Variants in CSMD1 observed in about 807,000 individuals in gnomAD.
CSMD1 encodes CUB and sushi domain-containing protein 1.
In CSMD1, 213 loss-of-function variants were observed where a neutral mutation model predicts 417.5. The ratio of observed to expected loss-of-function variants is 0.51; its 90% CI spans 0.46 to 0.57. The LOEUF (loss-of-function observed/expected upper bound fraction) is 0.57. Among genes scored for constraint, CSMD1 ranks in the 20% least tolerant of loss-of-function variants. The pLI, the probability that CSMD1 is intolerant of heterozygous loss-of-function variation, is 0.00. For synonymous variants in CSMD1, 2,862 were observed against 1,736.8 expected (o/e 1.65, Z -16.11); for missense variants, 6,923 against 4,529.7 (o/e 1.53, Z -15.17).
At position 3,214,609 on chromosome 8, in the gene CSMD1, G is replaced by C; in HGVS notation, c.4755C>G (p.Thr1585=). Residue 1585 remains threonine, a synonymous_variant, in exon 30 of 70, where the codon ACC becomes ACG. Coordinates refer to ENST00000635120, the MANE Select transcript of CSMD1 (RefSeq NM_033225.6). ...RVGTDFKLGS[T]ITYQCDSGYK... is the part of the protein sequence containing the mutation. Reference sequence around the variant, plus strand: ...AGCCAGAGTCACACTGGTAGGTGATGGTGGAGCCAAGCTTGAAGTCTGTTC... The same window carrying C: ...AGCCAGAGTCACACTGGTAGGTGATCGTGGAGCCAAGCTTGAAGTCTGTTC... The C allele has an allele frequency of 6.4e-7, 1 of 1,562,918 alleles. No homozygotes were observed. The highest frequency in any genetic ancestry group is 8.7e-7 in the Non-Finnish European group (1 of 1,152,990).
At chr8:3,797,932 G>C (rs79557606) in intron 5 of CSMD1, among the ~76,000 whole-genome samples, 1 of 151,974 alleles carries the variant, frequency 6.6e-6, no homozygotes, top group Non-Finnish European at 1.5e-5. Flanking sequence ...GTCAAGTTTT[G>C]TAATTTTAGC....
chr8:3,348,735 T>C lies in CSMD1; in HGVS notation c.3305-574A>G, dbSNP rs114491541. Among the ~76,000 whole-genome samples, 1,423 of 152,326 alleles carry C rather than the reference T, an allele frequency of 9.3e-3. 24 individuals are homozygous for C. Among genetic ancestry groups the C allele is most frequent in the African/African-American group, 0.032 (1,340 of 41,562 alleles). On this transcript the variant is annotated intron_variant, in intron 21 of 69. Transcript: ENST00000635120. Reference sequence around the variant, plus strand: ...ACATTCAATGGCAGTAATTATCTGCTTCTCCCTCTTTCCCAATGAAGGAAG... The same window carrying C: ...ACATTCAATGGCAGTAATTATCTGCCTCTCCCTCTTTCCCAATGAAGGAAG...
chr8:3,942,993 G>A (rs1036265294), intron 5 of CSMD1, among the ~76,000 whole-genome samples: 2 of 151,982 alleles, frequency 1.3e-5, no homozygotes, highest in Non-Finnish European at 2.9e-5. Context: ...CGTTACTAAG[G>A]GGAGGTCTAA....
chr8:4,448,588 T>C (rs1174342512), intron 2 of CSMD1, among the ~76,000 whole-genome samples: 1 of 152,194 alleles, frequency 6.6e-6, no homozygotes, highest in Non-Finnish European at 1.5e-5. Context: ...TATTGTGCAA[T>C]TTTAAAGTCT....
At chr8:3,238,884 C>T (rs1481611924) in intron 26 of CSMD1, among the ~76,000 whole-genome samples, 1 of 151,898 alleles carries the variant, frequency 6.6e-6, no homozygotes, top group Non-Finnish European at 1.5e-5. Context: ...ATAGTGTAAA[C>T]CAGCAGTGTA....
intron 54 of CSMD1, among the ~76,000 whole-genome samples, chr8:2,982,223 G>T (rs924171638): frequency 3.9e-5 from 6 of 152,122 alleles, no homozygotes; most frequent in African/African-American, 1.4e-4. Context: ...AGGCATGGTG[G>T]CAGGGGCCTG....
At chr8:4,201,304 C>G (rs1392431816) in intron 3 of CSMD1, among the ~76,000 whole-genome samples, 1 of 151,930 alleles carries the variant, frequency 6.6e-6, no homozygotes, top group African/African-American at 2.4e-5. Flanking sequence ...TTTGGGAGGC[C>G]GAGGCGGGCG....
chr8:4,876,969 AT>A lies in CSMD1; in HGVS notation c.85+117362del, dbSNP rs1198383042. On this transcript the variant is annotated intron_variant, in intron 1 of 69. Coordinates refer to ENST00000635120, the MANE Select transcript of CSMD1 (RefSeq NM_033225.6). The stretch of plus-strand genomic sequence containing the variant: ...TTACACATTATGTAATTTTATGACA[AT>A]TAAAAATATATACAATAAGTATAAT... Among the ~76,000 whole-genome samples the A allele has an allele frequency of 2.6e-5, 4 of 152,114 alleles. 1 individual carries two copies. Among genetic ancestry groups the A allele is most frequent in the African/African-American group, 4.8e-5 (2 of 41,402 alleles).
At chr8:4,838,860 T>A (rs1220869564) in intron 1 of CSMD1, among the ~76,000 whole-genome samples, 1 of 152,198 alleles carries the variant, frequency 6.6e-6, no homozygotes, top group African/African-American at 2.4e-5. Flanking sequence ...TCTTGCTCTA[T>A]CTCCAGTAGC....
intron 26 of CSMD1, among the ~76,000 whole-genome samples, chr8:3,282,232 G>C (rs1802793732): frequency 1.3e-5 from 2 of 152,158 alleles, no homozygotes; most frequent in South Asian, 2.1e-4. Flanking sequence ...TGATGGGTCA[G>C]TGTAGGTTCA....
chr8:3,535,546 G>C (rs1360142355), intron 10 of CSMD1, among the ~76,000 whole-genome samples: 1 of 152,102 alleles, frequency 6.6e-6, no homozygotes, highest in African/African-American at 2.4e-5. Context: ...ACTTGGAAGG[G>C]GGCTGGTGGG....
chr8:4,834,162 A>G (rs944299231), intron 1 of CSMD1, among the ~76,000 whole-genome samples: 1 of 152,366 alleles, frequency 6.6e-6, no homozygotes, highest in East Asian at 1.9e-4. Flanking sequence ...AGATAAAACA[A>G]GGATGTGTTA....
chr8:4,797,386 C>G (rs1307993024), intron 1 of CSMD1, among the ~76,000 whole-genome samples: 1 of 152,246 alleles, frequency 6.6e-6, no homozygotes, highest in East Asian at 1.9e-4. Context: ...CCGCCTGAAT[C>G]TAGGGATCAA....
intron 5 of CSMD1, among the ~76,000 whole-genome samples, chr8:3,880,896 G>A (rs541170777): frequency 6.6e-5 from 10 of 152,030 alleles, no homozygotes; most frequent in Middle Eastern, 3.4e-3. Flanking sequence ...GTGTACCATT[G>A]AAAGTAAACA....
intron 10 of CSMD1, among the ~76,000 whole-genome samples, chr8:3,530,756 T>C (rs1797946159): frequency 6.6e-6 from 1 of 152,146 alleles, no homozygotes; most frequent in South Asian, 2.1e-4. Flanking sequence ...CTCAAATTCC[T>C]GACCTCAGGT....
At chr8:4,189,481 C>T (rs150528191) in intron 3 of CSMD1, among the ~76,000 whole-genome samples, 58 of 152,112 alleles carry the variant, frequency 3.8e-4, no homozygotes, top group African/African-American at 1.2e-3. Flanking sequence ...AAAATTTTTC[C>T]GCTAGACAGA....
chr8:3,451,527 T>C (rs1220554165), intron 12 of CSMD1, among the ~76,000 whole-genome samples: 1 of 152,252 alleles, frequency 6.6e-6, no homozygotes, highest in African/African-American at 2.4e-5. Context: ...TTCGTCTTTC[T>C]ACATATAGCT....
intron 1 of CSMD1, among the ~76,000 whole-genome samples, chr8:4,919,456 A>C (rs1425770452): frequency 6.6e-6 from 1 of 152,152 alleles, no homozygotes; most frequent in African/African-American, 2.4e-5. Flanking sequence ...TTTAATGTAT[A>C]TTTTCTATTA....
chr8:4,003,814 G>T (rs1393782280), intron 4 of CSMD1, among the ~76,000 whole-genome samples: 1 of 150,460 alleles, frequency 6.6e-6, no homozygotes, highest in African/African-American at 2.4e-5. Flanking sequence ...TATTGTACGT[G>T]TCTGATATTC....
Sources: allele counts gnomAD v4.1 joint callset (sites outside exome capture counted in the v4.1 genomes callset), GRCh38; gene constraint gnomAD v4.1.1; transcripts MANE v1.5; gene names NCBI Gene and HGNC (gene_info 2026-07-23, HGNC 2026-07-21).